The following NDUFS2 variants were observed in gnomAD, a reference collection of about 807,000 sequenced individuals.
NDUFS2 encodes the protein NADH dehydrogenase [ubiquinone] iron-sulfur protein 2, mitochondrial.
In NDUFS2, 38 loss-of-function variants were observed where a neutral mutation model predicts 69.6. The ratio of observed to expected loss-of-function variants is 0.55; its 90% CI spans 0.42 to 0.72. NDUFS2 has a LOEUF of 0.72. NDUFS2 is among the 30% of genes least tolerant of loss of function. The probability of loss-of-function intolerance (pLI) is 0.00; values close to 1 mark genes in which losing one functional copy is unlikely to be tolerated. For missense variants in NDUFS2, 468 were observed against 595.0 expected, an observed-to-expected ratio of 0.79 and a Z score of 2.22; for synonymous variants, 194 against 211.2, an observed-to-expected ratio of 0.92 and a Z score of 0.70.
At chr1:161,198,650 G>A, upstream of NDUFS2, 1 of 1,481,314 alleles carries the variant, frequency 6.8e-7, no homozygotes, top group Non-Finnish European at 9.0e-7. The surrounding 1 kb of genome is among the most constrained non-coding windows in gnomAD (Gnocchi z 4.7). Context: ...GCAGCTGGGA[G>A]GGACTGAGGC....
intron 3 of NDUFS2, among the ~76,000 whole-genome samples, chr1:161,208,506 G>A (rs563277568): frequency 2.0e-5 from 3 of 152,220 alleles, no homozygotes; most frequent in African/African-American, 7.2e-5. Flanking sequence ...CTCCATGTTG[G>A]TCAGGCTGGT....
At position 161,206,486 on chromosome 1, in the gene NDUFS2, C is replaced by T. The variant is rs769693362; in HGVS notation, c.282C>T (p.Val94=). ...FGPQHPAAHG[V]LRLVMELSGE... is the part of the protein sequence containing the mutation. ...CCCAACACCCAGCAGCGCATGGTGT[C>T]CTGCGACTAGTGATGGAATTGAGTG... is the stretch of plus-strand genomic sequence containing the variant. Residue 94 remains valine (V), a synonymous_variant, in exon 3 of 14, where the codon GTC becomes GTT. Transcript: ENST00000676972. The T allele has an allele frequency of 4.3e-6, 7 of 1,614,120 alleles. No homozygotes were observed. Among genetic ancestry groups the T allele is most frequent in the Admixed American group, 1.7e-5 (1 of 60,014 alleles).
intron 13 of NDUFS2, 26 bp downstream of exon 13, chr1:161,213,947 GTA>G: frequency 6.2e-7 from 1 of 1,614,178 alleles, no homozygotes; most frequent in Non-Finnish European, 8.5e-7. Context: ...TGTAGTAGAG[GTA>G]TCCTAGACAA....
Position 161,206,567 on chromosome 1 carries a change from G to A in NDUFS2, c.363G>A (p.Glu121=). 5 of 1,613,992 alleles carry A rather than the reference G, an allele frequency of 3.1e-6. No homozygotes were observed. Among genetic ancestry groups the A allele is most frequent in the African/African-American group, 1.3e-5 (1 of 75,074 alleles). Residue 121 remains glutamate, a synonymous_variant, in exon 3 of 14, where the codon GAG becomes GAA. Coordinates refer to ENST00000676972, the MANE Select transcript of NDUFS2 (RefSeq NM_001377299.1). The stretch of plus-strand genomic sequence containing the variant: ...TCGGGCTCCTGCACCGAGGCACTGA[G>A]AAGCTCATTGAATACAAGACCTATC... ...PHIGLLHRGT[E]KLIEYKTYLQ... is the part of the protein sequence containing the mutation.
chr1:161,206,574 A>G lies in NDUFS2; in HGVS notation c.370A>G (p.Ile124Val). The G allele has an allele frequency of 6.2e-7, 1 of 1,609,302 alleles. No individual in the cohort carries two copies. Among genetic ancestry groups the G allele is most frequent in the South Asian group, 1.1e-5 (1 of 90,978 alleles). ...GLLHRGTEKLIEYKTYLQALP... is the reference protein window; with the variant it reads ...GLLHRGTEKLVEYKTYLQALP... ...CCTGCACCGAGGCACTGAGAAGCTC[A>G]TTGAATACAAGACCTATCTTCAGGT... The change falls in exon 3 of 14, where the codon ATT becomes GTT. Residue 124 changes from isoleucine (I) to valine (V), a missense_variant. By Grantham distance (29) the Ile-to-Val change is conservative (BLOSUM62 3). This residue lies in a region of NDUFS2 where 339 missense variants were observed against 433.8 expected (regional missense o/e 0.78). Transcript: ENST00000676972.
chr1:161,203,340 C>T, intron 1 of NDUFS2, 97 bp from the exon 2 acceptor site: 3 of 1,011,402 alleles, frequency 3.0e-6, no homozygotes, highest in Non-Finnish European at 4.7e-6. Flanking sequence ...AACAAAAAAA[C>T]AGGTCATCCT....
chr1:161,197,676 G>A (rs568440510), upstream of NDUFS2, among the ~76,000 whole-genome samples: 1 of 152,090 alleles, frequency 6.6e-6, no homozygotes, highest in African/African-American at 2.4e-5. Flanking sequence ...GCTGTTAGGA[G>A]ACCTTTACTG....
intron 9 of NDUFS2, among the ~76,000 whole-genome samples, chr1:161,212,069 G>T (rs936838226): frequency 3.3e-5 from 5 of 151,978 alleles, no homozygotes; most frequent in African/African-American, 1.2e-4. Context: ...TTCGGATGTG[G>T]TGGTGCACGC....
intron 6 of NDUFS2, 39 bp downstream of exon 6, chr1:161,209,970 G>A: frequency 6.2e-7 from 1 of 1,612,500 alleles, no homozygotes. Flanking sequence ...TCCAGCCCAG[G>A]CCTATTTTCC....
At chr1:161,202,523 G>A in intron 1 of NDUFS2, 43 bp downstream of exon 1, 1 of 1,563,468 alleles carries the variant, frequency 6.4e-7, no homozygotes, top group Middle Eastern at 1.7e-4. Flanking sequence ...TCCAAGGCTA[G>A]GGTTTCTCAG....
chr1:161,202,256 C>T, upstream of NDUFS2: 3 of 861,014 alleles, frequency 3.5e-6, no homozygotes, highest in Non-Finnish European at 5.7e-6. Flanking sequence ...GTTGTCAGTT[C>T]GACGGTAAAC....
At chr1:161,199,788 C>G (rs890592438), upstream of NDUFS2, among the ~76,000 whole-genome samples, 2 of 151,868 alleles carry the variant, frequency 1.3e-5, no homozygotes, top group Admixed American at 6.6e-5. Context: ...TTCTAACGTC[C>G]CTTCTCTCCC....
At chr1:161,198,810 G>C (rs978322811), upstream of NDUFS2, 10 of 573,128 alleles carry the variant, frequency 1.7e-5, no homozygotes, top group Non-Finnish European at 2.7e-5. The surrounding 1 kb of genome is among the most constrained non-coding windows in gnomAD (Gnocchi z 4.7). Context: ...CCTTGGGCTT[G>C]GGAGAGGTGC....
chr1:161,202,577 GTGACCCCATTGTCCATCCC>G (rs1665201001), intron 1 of NDUFS2, 97 bp downstream of exon 1: 3 of 1,247,166 alleles, frequency 2.4e-6, no homozygotes, highest in Admixed American at 3.9e-5. Context: ...ACCCAAGCCT[GTGACCCCATTGTCCATCCC>G]TGATTTCTTG....
At position 161,214,297 on chromosome 1, in the gene NDUFS2, G is replaced by GTGTA; in HGVS notation, c.*108_*111dup. 1 of 1,090,582 alleles carries GTGTA rather than the reference G, an allele frequency of 9.2e-7. No homozygotes were observed. The highest frequency in any genetic ancestry group is 1.4e-6 in the Non-Finnish European group (1 of 718,164). 67.6% of individuals were successfully genotyped at this position (1,090,582 alleles called of 1,614,324 possible). On this transcript the variant is annotated 3_prime_UTR_variant, in exon 14 of 14. Coordinates refer to ENST00000676972, the MANE Select transcript of NDUFS2 (RefSeq NM_001377299.1). ...TGTGTGTGTGTGTGTGTGTGTGTGT[G>GTGTA]TGTATGTTCATGTACACTTGGCTGT...
upstream of NDUFS2, chr1:161,199,169 C>T (rs1665009443): frequency 6.6e-6 from 1 of 152,494 alleles, no homozygotes; most frequent in Non-Finnish European, 1.5e-5. Context: ...TGTATCATCG[C>T]TTCCCAAAAA....
chr1:161,213,064 C>A, intron 10 of NDUFS2: 1 of 351,090 alleles, frequency 2.8e-6, no homozygotes, highest in South Asian at 2.3e-5. Flanking sequence ...ACCACCACGC[C>A]CAGCTAATTT....
intron 10 of NDUFS2, chr1:161,213,096 G>T (rs1665862854): frequency 2.7e-6 from 1 of 370,222 alleles, no homozygotes; most frequent in Non-Finnish European, 5.2e-6. Flanking sequence ...GTAGAGACGG[G>T]GTTTCACTCT....
intron 9 of NDUFS2, among the ~76,000 whole-genome samples, chr1:161,211,636 C>T (rs973973878): frequency 9.9e-5 from 15 of 151,960 alleles, no homozygotes; most frequent in Admixed American, 2.0e-4. Context: ...GGCGACAGAG[C>T]GAGACTCTGT....
Sources: gnomAD v4.1 joint callset for allele counts (sites outside exome capture counted in the v4.1 genomes callset) on GRCh38, gnomAD v4.1.1 for gene constraint, gnomAD v4.1.1 regional missense constraint, Gnocchi (gnomAD v3.1) non-coding constraint, MANE v1.5 for transcripts, NCBI Gene and HGNC (gene_info 2026-07-23, HGNC 2026-07-21) for gene names.